PRKCB: variants seen among roughly 807,000 people sequenced by gnomAD.
The protein encoded by PRKCB is protein kinase C beta.
In PRKCB, 13 loss-of-function variants were observed where a neutral mutation model predicts 81.5. The observed-to-expected ratio is 0.16, with a 90% CI of 0.10 to 0.25. PRKCB has a LOEUF of 0.25. Ranked by LOEUF, PRKCB falls within the 10% of genes least tolerant of loss-of-function variation. The pLI is 1.00. For synonymous variants in PRKCB, 335 were observed against 321.4 expected (o/e 1.04, Z -0.45); for missense variants, 509 against 875.7 (o/e 0.58, Z 5.29).
intron 9 of PRKCB, among the ~76,000 whole-genome samples, chr16:24,135,310 CTTTTTT>C (rs33975464): frequency 8.9e-6 from 1 of 112,276 alleles, no homozygotes; most frequent in Non-Finnish European, 1.7e-5. Context: ...CTCAGTGTCC[CTTTTTT>C]TTTTTTTTTT....
intron 2 of PRKCB, among the ~76,000 whole-genome samples, chr16:23,951,465 C>G (rs916070362): frequency 6.6e-6 from 1 of 152,068 alleles, no homozygotes; most frequent in Admixed American, 6.5e-5. Flanking sequence ...TCCTCTGTCA[C>G]CCAGGCTGGG....
In PRKCB at chr16:23,844,777, G is replaced by A. The variant is rs139976195; in HGVS notation, c.205+7371G>A. On this transcript the variant is annotated intron_variant, in intron 2 of 16. Transcript: ENST00000643927. ...CTGCCTCGGTCTCCCAAAGTGCTGA[G>A]ATTATAGGCGTGAGCCACCGCGCCC... 4.4e-3 allele frequency among the ~76,000 whole-genome samples: 671 copies of A among 151,458 alleles called. 5 individuals carry two copies. Among genetic ancestry groups the A allele is most frequent in the African/African-American group, 0.015 (631 of 41,248 alleles).
chr16:24,090,682 G>A (rs2636956), intron 5 of PRKCB, among the ~76,000 whole-genome samples: 57,411 of 152,016 alleles, frequency 0.38, 12,281 homozygotes, highest in Non-Finnish European at 0.49. Flanking sequence ...ACGAATAGGG[G>A]AAGATTTATT....
rs577223519 is a variant in PRKCB at position 24,093,382 on chromosome 16, C to T, written c.686+435C>T. On this transcript the variant is annotated intron_variant, in intron 6 of 16. Transcript: ENST00000643927. ...ATCTCCACCAGCCTCCCTTGAGGGTCTTCCCTGGCCAGGGCTCCAAGAATC... is the reference window on the plus strand; with the variant it reads ...ATCTCCACCAGCCTCCCTTGAGGGTTTTCCCTGGCCAGGGCTCCAAGAATC... Among the ~76,000 whole-genome samples, 3 of 152,304 alleles carry T rather than the reference C, an allele frequency of 2.0e-5. No individual in the cohort carries two copies. The South Asian group carries it at 6.2e-4, about 32-fold the overall frequency.
chr16:24,060,091 G>T (rs1033771037), intron 5 of PRKCB, among the ~76,000 whole-genome samples: 5 of 152,292 alleles, frequency 3.3e-5, no homozygotes, highest in Non-Finnish European at 7.4e-5. Context: ...AGCATGAATG[G>T]AAGAAAGCAA....
intron 5 of PRKCB, among the ~76,000 whole-genome samples, chr16:24,066,961 C>T (rs1393277978): frequency 1.3e-5 from 2 of 152,136 alleles, no homozygotes; most frequent in East Asian, 3.9e-4. Context: ...GCAATCTTCC[C>T]ACCTCAGCCT....
chr16:23,966,448 TA>T (rs1964488298), intron 2 of PRKCB, among the ~76,000 whole-genome samples: 1 of 152,202 alleles, frequency 6.6e-6, no homozygotes, highest in African/African-American at 2.4e-5. Flanking sequence ...AGGATAATAA[TA>T]AGACCTACCA....
intron 5 of PRKCB, among the ~76,000 whole-genome samples, chr16:24,084,862 GT>G (rs1966292461): frequency 6.6e-6 from 1 of 152,152 alleles, no homozygotes; most frequent in Non-Finnish European, 1.5e-5. Context: ...GACAAGCAGT[GT>G]GCGGGACTTT....
intron 7 of PRKCB, among the ~76,000 whole-genome samples, chr16:24,096,199 T>C (rs2141903193): frequency 6.6e-6 from 1 of 152,108 alleles, no homozygotes; most frequent in Admixed American, 6.5e-5. Flanking sequence ...AGGCGGAGGT[T>C]GCAGTGAGCC....
chr16:24,121,230 A>G (rs1200189833), intron 8 of PRKCB, among the ~76,000 whole-genome samples: 1 of 152,172 alleles, frequency 6.6e-6, no homozygotes, highest in Non-Finnish European at 1.5e-5. Context: ...CAACCCCAAC[A>G]TACCTTTTGG....
chr16:23,943,781 T>A (rs1255378067), intron 2 of PRKCB, among the ~76,000 whole-genome samples: 2 of 152,186 alleles, frequency 1.3e-5, no homozygotes, highest in Non-Finnish European at 2.9e-5. Context: ...CAGTGCTTTG[T>A]TTCACAGATA....
At chr16:24,045,965 G>A (rs1170586511) in intron 5 of PRKCB, among the ~76,000 whole-genome samples, 1 of 152,248 alleles carries the variant, frequency 6.6e-6, no homozygotes, top group African/African-American at 2.4e-5. Context: ...CAGTCATGAA[G>A]CTCGGGTGTC....
At chr16:23,997,631 C>T (rs1316009959) in intron 3 of PRKCB, among the ~76,000 whole-genome samples, 1 of 152,114 alleles carries the variant, frequency 6.6e-6, no homozygotes, top group Non-Finnish European at 1.5e-5. Flanking sequence ...TTTCTTTGCT[C>T]TTTTAGTTCT....
chr16:24,110,412 C>T (rs1343209117), intron 7 of PRKCB, among the ~76,000 whole-genome samples: 1 of 151,792 alleles, frequency 6.6e-6, no homozygotes, highest in Admixed American at 6.6e-5. Context: ...TGGGGTTTCA[C>T]CATGTTGGCC....
At chr16:23,935,041 T>C (rs556271354) in intron 2 of PRKCB, among the ~76,000 whole-genome samples, 18 of 152,280 alleles carry the variant, frequency 1.2e-4, no homozygotes, top group South Asian at 4.1e-4. Flanking sequence ...TCTGGAACCA[T>C]TGACCACAAA....
intron 5 of PRKCB, among the ~76,000 whole-genome samples, chr16:24,077,964 G>A (rs369619938): frequency 1.6e-4 from 25 of 152,298 alleles, no homozygotes; most frequent in Admixed American, 9.2e-4. Context: ...AAGTAAACCC[G>A]CCTTCCTCAG....
Position 24,217,092 on chromosome 16 carries a change from GA to G in PRKCB, c.*2279del. 1.0e-5 allele frequency: 10 copies of G among 980,956 alleles called. No individual in the cohort carries two copies. The highest frequency in any genetic ancestry group is 1.2e-5 in the Non-Finnish European group (10 of 828,712). 60.8% of individuals were successfully genotyped at this position (980,956 alleles called of 1,614,324 possible). Reference sequence around the variant, plus strand: ...AATGTAGGATGAATGGAAAGAGAAAGAAAGGAAAGAAAGAAGAAAAAGAAAG... The same window carrying G: ...AATGTAGGATGAATGGAAAGAGAAAGAAGGAAAGAAAGAAGAAAAAGAAAG... On this transcript the variant is annotated 3_prime_UTR_variant, in exon 17 of 17. Transcript: ENST00000643927.
At chr16:24,063,679 C>G (rs1966000298) in intron 5 of PRKCB, among the ~76,000 whole-genome samples, 1 of 152,100 alleles carries the variant, frequency 6.6e-6, no homozygotes, top group Admixed American at 6.5e-5. Flanking sequence ...AACCCAGTAT[C>G]ATGATGATAG....
chr16:24,205,524 C>T lies in PRKCB; in HGVS notation c.1864-9134C>T, dbSNP rs186700597. ...AGGAGACTGATAGAAGAGTCTGGAT[C>T]TCTTGTCAAATCTAGGATCAAATCG... On this transcript the variant is annotated intron_variant, in intron 16 of 16. Coordinates refer to ENST00000643927, the MANE Select transcript of PRKCB (RefSeq NM_002738.7). Among the ~76,000 whole-genome samples, 3 of 152,246 alleles carry T rather than the reference C, an allele frequency of 2.0e-5. No homozygotes were observed. In the East Asian group the frequency reaches 5.8e-4, roughly 29 times the overall value.
Sources: gnomAD v4.1 joint callset for allele counts (sites outside exome capture counted in the v4.1 genomes callset) on GRCh38, gnomAD v4.1.1 for gene constraint, MANE v1.5 for transcripts, NCBI Gene and HGNC (gene_info 2026-07-23, HGNC 2026-07-21) for gene names.